The following HYDIN variants were observed in gnomAD, a reference collection of about 807,000 sequenced individuals.
The protein encoded by HYDIN is HYDIN axonemal central pair apparatus protein.
In HYDIN, 132 loss-of-function variants were observed where a neutral mutation model predicts 403.9. The ratio of observed to expected loss-of-function variants is 0.33; its 90% confidence interval spans 0.28 to 0.38. The LOEUF is 0.38. Ranked by LOEUF, HYDIN falls within the 10% of genes least tolerant of loss-of-function variation. HYDIN has a pLI of 1.00. For missense variants in HYDIN, 2,827 were observed against 5,009.5 expected (o/e 0.56, Z 13.15); for synonymous variants, 1,202 against 1,891.7 (o/e 0.64, Z 9.46).
intron 7 of HYDIN, among the ~76,000 whole-genome samples, chr16:71,148,674 A>T (rs1472968130): frequency 2.0e-5 from 3 of 151,094 alleles, no homozygotes. Flanking sequence ...TAATAAAAAG[A>T]CATTAAGAAA....
chr16:71,108,549 A>G (rs1233224547), intron 10 of HYDIN, among the ~76,000 whole-genome samples: 1 of 152,104 alleles, frequency 6.6e-6, no homozygotes, highest in African/African-American at 2.4e-5. Flanking sequence ...TAAGTTTCCA[A>G]TCGTTGCTAC....
At chr16:70,971,423 G>A (rs1354346631) in intron 35 of HYDIN, among the ~76,000 whole-genome samples, 2 of 152,038 alleles carry the variant, frequency 1.3e-5, no homozygotes, top group African/African-American at 4.8e-5. Context: ...AATCTACATT[G>A]CATCCCATAG....
rs1398634686 is a variant in HYDIN, at chr16:71,230,698, A to C, written c.-160T>G. On this transcript the variant is annotated 5_prime_UTR_variant, in exon 1 of 86. Coordinates refer to ENST00000393567, the MANE Select transcript of HYDIN (RefSeq NM_001270974.2). ...GCCCGCACTCTCCATGCGCCGCCCGAGCTGTTGCCGTCCGTTGCCACGGTA... is the reference window on the plus strand; with the variant it reads ...GCCCGCACTCTCCATGCGCCGCCCGCGCTGTTGCCGTCCGTTGCCACGGTA... 3.3e-6 allele frequency: 5 copies of C among 1,535,940 alleles called. No homozygotes were observed. The highest frequency in any genetic ancestry group is 4.4e-6 in the Non-Finnish European group (5 of 1,146,854).
At chr16:71,193,800 C>T (rs892225187) in intron 1 of HYDIN, among the ~76,000 whole-genome samples, 1 of 152,296 alleles carries the variant, frequency 6.6e-6, no homozygotes, top group African/African-American at 2.4e-5. Context: ...TCTATCATCT[C>T]TCTTTGCTTT....
chr16:70,937,062 T>A (rs903628226), intron 44 of HYDIN, among the ~76,000 whole-genome samples: 3 of 152,062 alleles, frequency 2.0e-5, no homozygotes, highest in Non-Finnish European at 4.4e-5. Flanking sequence ...CATCCAGGAA[T>A]TCCTAATTGT....
chr16:70,855,137 G>A lies in HYDIN; in HGVS notation c.12434C>T (p.Pro4145Leu), dbSNP rs370085141. ...LVCPMEGWIP[P>L]LSRFPIDIFF... Reference sequence around the variant, plus strand: ...CTTCATTTTTGTTTACCTGGACAGTGGTGGGATCCAGCCTTCCATGGGACA... The same window carrying A: ...CTTCATTTTTGTTTACCTGGACAGTAGTGGGATCCAGCCTTCCATGGGACA... Residue 4145 changes from proline to leucine, a missense_variant, in exon 73 of 86, where the codon CCA (proline) becomes CTA (leucine). Physicochemically the swap from Pro to Leu is moderately conservative, Grantham distance 98. Coordinates refer to ENST00000393567, the MANE Select transcript of HYDIN (RefSeq NM_001270974.2). The A allele has an allele frequency of 2.1e-5, 27 of 1,310,518 alleles. No homozygotes were observed. In the African/African-American group the frequency reaches 4.0e-4, roughly 19 times the overall value. The allele number at this position is 1,310,518 out of a possible 1,614,324, so 81.2% of individuals were successfully genotyped here.
intron 5 of HYDIN, among the ~76,000 whole-genome samples, chr16:71,163,279 C>T (rs1200576702): frequency 2.0e-5 from 3 of 152,032 alleles, no homozygotes; most frequent in African/African-American, 4.8e-5. Context: ...CCCGCCACCA[C>T]GCCCGGCTAA....
chr16:71,049,270 G>A (rs559562826), intron 18 of HYDIN, among the ~76,000 whole-genome samples: 140 of 152,322 alleles, frequency 9.2e-4, no homozygotes, highest in Admixed American at 4.4e-3. Context: ...CAGCCTCCCC[G>A]CATTTGAAAG....
rs749870537 is a variant in HYDIN at position 70,802,425 on chromosome 16, C to T, written c.*5155G>A. ...AGAGATTAACTTGAGTCGGCCTGAC[C>T]GAATCAAGTGAGTACTTAAAAGAGA... On this transcript the variant is annotated 3_prime_UTR_variant, in exon 86 of 86. Coordinates refer to ENST00000393567, the MANE Select transcript of HYDIN (RefSeq NM_001270974.2). The T allele has an allele frequency of 6.6e-6, 1 of 152,092 alleles. No homozygotes were observed. Among genetic ancestry groups the T allele is most frequent in the Admixed American group, 6.5e-5 (1 of 15,286 alleles). The allele number at this position is 152,092 out of a possible 1,614,324, so 9.4% of individuals were successfully genotyped here.
intron 1 of HYDIN, among the ~76,000 whole-genome samples, chr16:71,201,173 T>G (rs2144705630): frequency 6.6e-6 from 1 of 152,278 alleles, no homozygotes; most frequent in East Asian, 1.9e-4. Flanking sequence ...TGTAACTAAA[T>G]TTTTATGTCT....
chr16:70,836,754 A>G (rs1166119480), intron 77 of HYDIN, among the ~76,000 whole-genome samples: 1 of 152,222 alleles, frequency 6.6e-6, no homozygotes, highest in African/African-American at 2.4e-5. Flanking sequence ...AAGGCAAGAG[A>G]GTCTGTCCCA....
intron 7 of HYDIN, among the ~76,000 whole-genome samples, chr16:71,140,035 T>A (rs2085108527): frequency 6.7e-6 from 1 of 149,956 alleles, no homozygotes; most frequent in Non-Finnish European, 1.5e-5. Flanking sequence ...ACACTTGGAA[T>A]TACACCTAAC....
intron 71 of HYDIN, among the ~76,000 whole-genome samples, chr16:70,858,341 T>C (rs1311174389): frequency 2.0e-5 from 3 of 151,868 alleles, no homozygotes; most frequent in Non-Finnish European, 4.4e-5. Flanking sequence ...AAAGGTACCA[T>C]GCAGGTGAGC....
intron 75 of HYDIN, among the ~76,000 whole-genome samples, chr16:70,842,182 C>A (rs2037872589): frequency 6.6e-6 from 1 of 151,000 alleles, no homozygotes; most frequent in Non-Finnish European, 1.5e-5. Context: ...ATGAAATGTT[C>A]TGTATATGTC....
intron 1 of HYDIN, chr16:71,203,786 C>T (rs1419060572): frequency 4.4e-6 from 2 of 455,834 alleles, no homozygotes; most frequent in Non-Finnish European, 8.8e-6. Context: ...ATGTGTGAGT[C>T]CAGAACAGAT....
At chr16:71,058,587 G>T (rs2081977486) in intron 18 of HYDIN, among the ~76,000 whole-genome samples, 2 of 112,484 alleles carry the variant, frequency 1.8e-5, no homozygotes, top group Admixed American at 9.5e-5. Flanking sequence ...AAAACTTAAA[G>T]TATAATAAAA....
Position 71,178,927 on chromosome 16 carries a change from C to T in HYDIN, c.381+1G>A. 1 of 1,610,618 alleles carries T rather than the reference C, an allele frequency of 6.2e-7. No individual in the cohort carries two copies. Among genetic ancestry groups the T allele is most frequent in the Non-Finnish European group, 8.5e-7 (1 of 1,178,452 alleles). On this transcript the variant is annotated splice_donor_variant, in intron 4 of 85. Transcript: ENST00000393567. LOFTEE classifies it high-confidence loss of function. ...TCACCCACCCCAGTGAACATACTCA[C>T]TTTGTCATTGTTCCTCAAAATCAGT...
At position 71,013,246 on chromosome 16, in the gene HYDIN, A is replaced by T. The variant is rs187607695; in HGVS notation, c.3644+4883T>A. On this transcript the variant is annotated intron_variant, in intron 23 of 85. Transcript: ENST00000393567. ...AAGGCTTCCCTGCAGAAGGATGGTG[A>T]AGCTGAAGTCTGAAGAAGGGGCAGG... 8.8e-4 allele frequency among the ~76,000 whole-genome samples: 134 copies of T among 152,154 alleles called. 2 individuals carry two copies. The East Asian group carries it at 0.024, about 28-fold the overall frequency.
chr16:70,824,963 C>T (rs1014091789), intron 83 of HYDIN, among the ~76,000 whole-genome samples: 33 of 152,100 alleles, frequency 2.2e-4, no homozygotes, highest in African/African-American at 7.7e-4. Context: ...AGTCCTCCTA[C>T]CTCAGCCTCC....
Sources: allele counts gnomAD v4.1 joint callset (sites outside exome capture counted in the v4.1 genomes callset), GRCh38; gene constraint gnomAD v4.1.1; transcripts MANE v1.5; gene names NCBI Gene and HGNC (gene_info 2026-07-23, HGNC 2026-07-21).